The following GNAQ variants were observed in gnomAD, a reference collection of about 807,000 sequenced individuals.
GNAQ encodes the protein guanine nucleotide-binding protein G(q) subunit alpha.
In GNAQ, 8 loss-of-function variants were observed where a neutral mutation model predicts 43.9. That is an observed-to-expected ratio of 0.18 (90% CI 0.11 to 0.33). GNAQ has a LOEUF of 0.33. GNAQ is among the 10% of genes least tolerant of loss of function. The pLI, the probability that GNAQ is intolerant of heterozygous loss-of-function variation, is 1.00. For missense variants in GNAQ, 158 were observed against 450.8 expected (o/e 0.35, Z 5.88); for synonymous variants, 155 against 170.7 (o/e 0.91, Z 0.71).
intron 1 of GNAQ, among the ~76,000 whole-genome samples, chr9:78,005,485 C>CA (rs1823694246): frequency 6.6e-6 from 1 of 152,032 alleles, no homozygotes; most frequent in Non-Finnish European, 1.5e-5. Context: ...GAAGGAGGCC[C>CA]AATACTAACC....
chr9:77,803,863 T>G (rs548733457), intron 3 of GNAQ, among the ~76,000 whole-genome samples: 21 of 152,356 alleles, frequency 1.4e-4, no homozygotes, highest in Admixed American at 3.9e-4. Context: ...ACAGAAATCA[T>G]GCCCATTAGT....
intron 2 of GNAQ, among the ~76,000 whole-genome samples, chr9:77,878,009 C>A (rs963415362): frequency 6.6e-6 from 1 of 152,160 alleles, no homozygotes; most frequent in African/African-American, 2.4e-5. Context: ...ATTACCATGT[C>A]CCTCTTTCCC....
At chr9:77,846,735 G>A (rs557897979) in intron 2 of GNAQ, among the ~76,000 whole-genome samples, 2 of 152,222 alleles carry the variant, frequency 1.3e-5, no homozygotes, top group African/African-American at 4.8e-5. Context: ...CTCCCTCAGA[G>A]AACAGTATCC....
At chr9:77,905,119 G>T (rs1178884518) in intron 2 of GNAQ, among the ~76,000 whole-genome samples, 1 of 152,100 alleles carries the variant, frequency 6.6e-6, no homozygotes, top group Non-Finnish European at 1.5e-5. Flanking sequence ...AATTAAGTTA[G>T]ATGTTAAGAA....
chr9:77,995,874 T>C (rs951296812), intron 1 of GNAQ, among the ~76,000 whole-genome samples: 3 of 152,154 alleles, frequency 2.0e-5, no homozygotes, highest in Non-Finnish European at 4.4e-5. Context: ...AAAATGAAAA[T>C]TTGTTTTCAT....
chr9:78,030,630 C>A, intron 1 of GNAQ: 1 of 443,502 alleles, frequency 2.3e-6, no homozygotes, highest in South Asian at 1.7e-5. Flanking sequence ...GGCCATCCCC[C>A]AACGTGCCCC....
At chr9:77,933,148 C>T (rs1361702568) in intron 1 of GNAQ, among the ~76,000 whole-genome samples, 5 of 152,168 alleles carry the variant, frequency 3.3e-5, no homozygotes, top group Non-Finnish European at 7.4e-5. Flanking sequence ...GAGGATGAAA[C>T]AGAGGATGCG....
intron 2 of GNAQ, among the ~76,000 whole-genome samples, chr9:77,918,463 C>G (rs1272914457): frequency 1.3e-5 from 2 of 151,524 alleles, no homozygotes; most frequent in African/African-American, 4.8e-5. Context: ...ATTCTTTAGA[C>G]TATTTATAAA....
At chr9:77,940,203 T>A (rs1368943727) in intron 1 of GNAQ, among the ~76,000 whole-genome samples, 1 of 152,160 alleles carries the variant, frequency 6.6e-6, no homozygotes, top group African/African-American at 2.4e-5. Flanking sequence ...ATATTAGCAG[T>A]AGTACACAGT....
chr9:77,788,802 C>T (rs1027519216), intron 5 of GNAQ, among the ~76,000 whole-genome samples: 6 of 152,204 alleles, frequency 3.9e-5, no homozygotes, highest in Non-Finnish European at 7.4e-5. Flanking sequence ...GCCTATCACA[C>T]GCTTTTATGT....
rs868140964 is a variant in GNAQ, at chr9:77,736,585, C to G, written c.736-7918G>C. 3.3e-5 allele frequency among the ~76,000 whole-genome samples: 5 copies of G among 152,236 alleles called. No individual in the cohort carries two copies. In the South Asian group the frequency reaches 6.2e-4, roughly 19 times the overall value. On this transcript the variant is annotated intron_variant, in intron 5 of 6. Transcript: ENST00000286548. ...AAGAAAAGAAATAGAACATATTTGCCTATTACCTCCAGGTCTAAGGTTACT... is the reference window on the plus strand; with the variant it reads ...AAGAAAAGAAATAGAACATATTTGCGTATTACCTCCAGGTCTAAGGTTACT...
rs527294647 is a variant in GNAQ, at chr9:77,978,200, G to GCTT, written c.136+52897_136+52899dup. Among the ~76,000 whole-genome samples the GCTT allele has an allele frequency of 2.6e-4, 40 of 152,178 alleles. 1 individual carries two copies. The South Asian group carries it at 7.9e-3, about 30-fold the overall frequency. ...GGTGATCAGCTTAACGAAATGACAG[G>GCTT]CTTCTATCCCTGATGTGTCAACTTC... On this transcript the variant is annotated intron_variant, in intron 1 of 6. Coordinates refer to ENST00000286548, the MANE Select transcript of GNAQ (RefSeq NM_002072.5).
intron 1 of GNAQ, among the ~76,000 whole-genome samples, chr9:77,923,781 G>A (rs545980206): frequency 1.3e-5 from 2 of 151,978 alleles, no homozygotes; most frequent in Admixed American, 6.6e-5. Context: ...AGAAAGAAAG[G>A]GAAGGAAAAG....
At chr9:77,814,301 G>A (rs980597609) in intron 3 of GNAQ, among the ~76,000 whole-genome samples, 1 of 152,100 alleles carries the variant, frequency 6.6e-6, no homozygotes, top group Non-Finnish European at 1.5e-5. Flanking sequence ...AGAATGGAAG[G>A]CAGGCATGCA....
intron 1 of GNAQ, 71 bp from the exon 2 acceptor site, chr9:77,922,416 A>C: frequency 6.0e-5 from 61 of 1,012,634 alleles, no homozygotes; most frequent in East Asian, 1.3e-4. Flanking sequence ...TAAACCAAAT[A>C]CCATGCCTTG....
chr9:77,750,431 G>T lies in GNAQ; in HGVS notation c.736-21764C>A, dbSNP rs146725959. Among the ~76,000 whole-genome samples the T allele has an allele frequency of 1.4e-3, 218 of 152,156 alleles. 2 individuals carry two copies. The highest frequency in any genetic ancestry group is 3.9e-3 in the African/African-American group (163 of 41,520). On this transcript the variant is annotated intron_variant, in intron 5 of 6. Transcript: ENST00000286548. Reference sequence around the variant, plus strand: ...AATAAGAACATTTTAAATGTAAGAGGTTTTTGTGATAATATAATCCCACTA... The same window carrying T: ...AATAAGAACATTTTAAATGTAAGAGTTTTTTGTGATAATATAATCCCACTA...
At chr9:77,801,268 T>TA (rs1564114703) in intron 3 of GNAQ, among the ~76,000 whole-genome samples, 1 of 152,130 alleles carries the variant, frequency 6.6e-6, no homozygotes. Context: ...GAGGATACCC[T>TA]AAAAAAATTG....
chr9:77,808,461 T>C (rs1360317175), intron 3 of GNAQ, among the ~76,000 whole-genome samples: 1 of 151,164 alleles, frequency 6.6e-6, no homozygotes, highest in African/African-American at 2.4e-5. Context: ...TGACACTTTG[T>C]GTTATTATTG....
intron 2 of GNAQ, among the ~76,000 whole-genome samples, chr9:77,821,755 GTGTA>G (rs1827119476): frequency 1.3e-5 from 2 of 151,188 alleles, no homozygotes; most frequent in South Asian, 2.1e-4. Context: ...GTGTGTGTGT[GTGTA>G]TGTATGTATG....
Sources: allele counts gnomAD v4.1 joint callset (sites outside exome capture counted in the v4.1 genomes callset), GRCh38; gene constraint gnomAD v4.1.1; transcripts MANE v1.5; gene names NCBI Gene and HGNC (gene_info 2026-07-23, HGNC 2026-07-21).